Variants in MUC17 observed in about 807,000 individuals in gnomAD.
The protein encoded by MUC17 is mucin 17, cell surface associated.
Under a neutral mutation model 170.3 loss-of-function variants are expected in MUC17, and 190 were observed. The ratio of observed to expected loss-of-function variants is 1.12; its 90% CI spans 0.99 to 1.26. The LOEUF is 1.26. Among genes scored for constraint, MUC17 ranks in the 50% most tolerant of loss-of-function variants. The probability of loss-of-function intolerance (pLI) is 0.00; values close to 1 mark genes in which losing one functional copy is unlikely to be tolerated. For missense variants in MUC17, 6,415 were observed against 5,530.0 expected (o/e 1.16, Z -5.08); for synonymous variants, 2,325 against 2,002.5 (o/e 1.16, Z -4.30).
chr7:101,045,418 A>G (rs1395601452), intron 3 of MUC17, among the ~76,000 whole-genome samples: 1 of 140,660 alleles, frequency 7.1e-6, no homozygotes, highest in Non-Finnish European at 1.5e-5. Flanking sequence ...TTTTTGATGG[A>G]GTTTCACTCT....
In MUC17 at chr7:101,035,103, G is replaced by T. The variant is rs774659126; in HGVS notation, c.3687G>T (p.Thr1229=). 10 of 1,611,544 alleles carry T rather than the reference G, an allele frequency of 6.2e-6. No individual in the cohort carries two copies. Among genetic ancestry groups the T allele is most frequent in the East Asian group, 2.2e-5 (1 of 44,576 alleles). ...TPLTSMPVRH[T]PVASSEASTL... is the part of the protein sequence containing the mutation. ...TAACAAGTATGCCTGTCAGACACAC[G>T]CCAGTGGCCAGTTCTGAGGCTAGCA... Residue 1229 remains threonine (T), a synonymous_variant, in exon 3 of 13, where the codon ACG becomes ACT. Transcript: ENST00000306151.
At position 101,040,307 on chromosome 7, in the gene MUC17, A is replaced by C. The variant is rs1794652238; in HGVS notation, c.8891A>C (p.Glu2964Ala). The C allele has an allele frequency of 1.2e-6, 2 of 1,611,942 alleles. No individual in the cohort carries two copies. Among genetic ancestry groups the C allele is most frequent in the South Asian group, 1.1e-5 (1 of 90,870 alleles). Residue 2964 changes from glutamate (E) to alanine (A), a missense_variant, in exon 3 of 13, where the codon GAA becomes GCA. Physicochemically the swap from Glu to Ala is moderately radical, Grantham distance 107. Transcript: ENST00000306151. ...DTRTPVTTSA[E>A]ASSSPTTAEG... ...AGGACACCTGTCACCACTTCTGCTG[A>C]AGCTAGTTCTTCTCCTACAACTGCT...
In MUC17 at chr7:101,038,962, C is replaced by A. The variant is rs1276284964; in HGVS notation, c.7546C>A (p.Leu2516Ile). 6.2e-7 allele frequency: 1 copy of A among 1,613,964 alleles called. No homozygotes were observed. The highest frequency in any genetic ancestry group is 1.7e-5 in the Admixed American group (1 of 60,000). ...PISTASEGSTLLTSIPVSTTP... is the reference protein window; with the variant it reads ...PISTASEGSTILTSIPVSTTP... ...CTCAACTGCTAGTGAAGGAAGTACT[C>A]TATTAACAAGTATACCTGTCAGCAC... Residue 2516 changes from leucine to isoleucine, a missense_variant, in exon 3 of 13, where the codon CTA (leucine) becomes ATA (isoleucine). Physicochemically the swap from Leu to Ile is conservative, Grantham distance 5. Transcript: ENST00000306151.
chr7:101,054,057 CAAAAAAAAAAAAAAAAAAAAAAAA>C (rs58623975), intron 11 of MUC17, among the ~76,000 whole-genome samples: 1 of 40,354 alleles, frequency 2.5e-5, no homozygotes, highest in Non-Finnish European at 4.3e-5. Flanking sequence ...AAGACCCTGT[CAAAAAAAAAAAAAAAAAAAAAAAA>C]AAAAAAAAAA....
chr7:101,038,706 T>C lies in MUC17; in HGVS notation c.7290T>C (p.Thr2430=), dbSNP rs779376790. The change falls in exon 3 of 13, where the codon ACT becomes ACC. Residue 2430 remains threonine, a synonymous_variant. Coordinates refer to ENST00000306151, the MANE Select transcript of MUC17 (RefSeq NM_001040105.2). ...TTGACACCAGCACACCTGTCACCAC[T>C]TCTACTGAAGCCAGTTCATCTCCTA... The part of the protein sequence containing the change: ...TPVDTSTPVT[T]STEASSSPTT... 2 of 1,613,630 alleles carry C rather than the reference T, an allele frequency of 1.2e-6. No homozygotes were observed. Among genetic ancestry groups the C allele is most frequent in the South Asian group, 1.1e-5 (1 of 91,056 alleles).
rs529008180 is a variant in MUC17 at position 101,057,781 on chromosome 7, G to C, written c.13441-222G>C. ...TGTAGTCCTAGCTACTTGGGAGGCTGAGGTGGGAGGATTGCTTGAGGCCAG... is the reference window on the plus strand; with the variant it reads ...TGTAGTCCTAGCTACTTGGGAGGCTCAGGTGGGAGGATTGCTTGAGGCCAG... On this transcript the variant is annotated intron_variant, in intron 12 of 12. Transcript: ENST00000306151. Among the ~76,000 whole-genome samples, 5 of 152,314 alleles carry C rather than the reference G, an allele frequency of 3.3e-5. No individual in the cohort carries two copies. In the East Asian group the frequency reaches 9.6e-4, roughly 29 times the overall value.
rs780864436 is a variant in MUC17, at chr7:101,043,596, C to T, written c.12180C>T (p.His4060=). ...GCAGGCCGTCAACAATTACTTCTCA[C>T]ACCATCCCACCTACATTTCCTCCTG... ...ESSRPSTITS[H]TIPPTFPPAH... Residue 4060 remains histidine (H), a synonymous_variant, in exon 3 of 13, where the codon CAC becomes CAT. Transcript: ENST00000306151. 6.2e-7 allele frequency: 1 copy of T among 1,614,180 alleles called. No individual in the cohort carries two copies. Among genetic ancestry groups the T allele is most frequent in the Non-Finnish European group, 8.5e-7 (1 of 1,180,018 alleles).
chr7:101,048,851 C>G lies in MUC17; in HGVS notation c.12542C>G (p.Pro4181Arg). 1 of 1,614,032 alleles carries G rather than the reference C, an allele frequency of 6.2e-7. No homozygotes were observed. Among genetic ancestry groups the G allele is most frequent in the Non-Finnish European group, 8.5e-7 (1 of 1,179,962 alleles). The part of the protein sequence containing the change: ...EVVSSIDIGP[P>R]ETISAQMELT... ...GTAAGTCTACCCGCCTCAGGGCCAC[C>G]GGAGACTATCTCTGCCCAAATGGAA... The change falls in exon 5 of 13, where the codon CCG becomes CGG. Residue 4181 changes from proline (P) to arginine (R), a missense_variant. By Grantham distance (103) the Pro-to-Arg change is moderately radical (BLOSUM62 -2). Coordinates refer to ENST00000306151, the MANE Select transcript of MUC17 (RefSeq NM_001040105.2).
chr7:101,033,291 T>C lies in MUC17; in HGVS notation c.1875T>C (p.Ser625=). The change falls in exon 3 of 13, where the codon AGT becomes AGC. Residue 625 remains serine (S), a synonymous_variant. Coordinates refer to ENST00000306151, the MANE Select transcript of MUC17 (RefSeq NM_001040105.2). ...CCAGCATGCCAACCTCAACTTACAG[T>C]GAAAGAGGCACTACAATAACAAGTA... is the stretch of plus-strand genomic sequence containing the variant. ...EGTSMPTSTY[S]ERGTTITSMS... is the part of the protein sequence containing the mutation. 6.2e-7 allele frequency: 1 copy of C among 1,613,698 alleles called. No homozygotes were observed. The highest frequency in any genetic ancestry group is 1.1e-5 in the South Asian group (1 of 91,052).
Position 101,031,192 on chromosome 7 carries a change from G to T in MUC17, c.155G>T (p.Cys52Phe). The T allele has an allele frequency of 3.1e-6, 5 of 1,613,776 alleles. No individual in the cohort carries two copies. Among genetic ancestry groups the T allele is most frequent in the Non-Finnish European group, 3.4e-6 (4 of 1,179,870 alleles). Residue 52 changes from cysteine (C) to phenylalanine (F), a missense_variant, in exon 2 of 13, where the codon TGC becomes TTC. Cys to Phe is a radical substitution (Grantham distance 205, BLOSUM62 -2). Coordinates refer to ENST00000306151, the MANE Select transcript of MUC17 (RefSeq NM_001040105.2). Reference sequence around the variant, plus strand: ...CAAGGGGACGTCTTGAACCGTCAGTGCCAGCAGCTGTCTCAGCACGTTAGG... The same window carrying T: ...CAAGGGGACGTCTTGAACCGTCAGTTCCAGCAGCTGTCTCAGCACGTTAGG... The part of the protein sequence containing the change: ...ISQGDVLNRQ[C>F]QQLSQHVRTG...
rs2116454433 is a variant in MUC17 at position 101,041,731 on chromosome 7, T to C, written c.10315T>C (p.Ser3439Pro). ...LVTTSTEASSSPTIAEGTSLP... is the reference protein window; with the variant it reads ...LVTTSTEASSPPTIAEGTSLP... Reference sequence around the variant, plus strand: ...GACCACTTCTACTGAAGCCAGTTCATCTCCTACAATCGCTGAAGGTACCAG... The same window carrying C: ...GACCACTTCTACTGAAGCCAGTTCACCTCCTACAATCGCTGAAGGTACCAG... The change falls in exon 3 of 13, where the codon TCT (serine) becomes CCT (proline). Residue 3439 changes from serine to proline, a missense_variant. Physicochemically the swap from Ser to Pro is moderately conservative, Grantham distance 74. Coordinates refer to ENST00000306151, the MANE Select transcript of MUC17 (RefSeq NM_001040105.2). The C allele has an allele frequency of 6.2e-7, 1 of 1,613,486 alleles. No homozygotes were observed.
intron 9 of MUC17, 98 bp downstream of exon 9, chr7:101,052,060 A>G (rs918072954): frequency 1.4e-6 from 2 of 1,413,172 alleles, no homozygotes; most frequent in South Asian, 1.3e-5. Context: ...GACCAAGGTC[A>G]TGGGACTAGG....
chr7:101,041,708 C>G lies in MUC17; in HGVS notation c.10292C>G (p.Thr3431Ser), dbSNP rs190089107. The G allele has an allele frequency of 4.5e-5, 72 of 1,613,752 alleles. No individual in the cohort carries two copies. The highest frequency in any genetic ancestry group is 5.3e-5 in the Non-Finnish European group (63 of 1,179,976). Residue 3431 changes from threonine (T) to serine (S), a missense_variant, in exon 3 of 13, where the codon ACC (threonine) becomes AGC (serine). By Grantham distance (58) the Thr-to-Ser change is moderately conservative. Coordinates refer to ENST00000306151, the MANE Select transcript of MUC17 (RefSeq NM_001040105.2). ...CCTGTGGACTCCAACACTCTGGTGA[C>G]CACTTCTACTGAAGCCAGTTCATCT... is the stretch of plus-strand genomic sequence containing the variant. ...TTPVDSNTLV[T>S]TSTEASSSPT... is the part of the protein sequence containing the mutation.
intron 1 of MUC17, among the ~76,000 whole-genome samples, chr7:101,026,477 T>C (rs1294242997): frequency 6.6e-6 from 1 of 152,216 alleles, no homozygotes; most frequent in Non-Finnish European, 1.5e-5. Flanking sequence ...ATGCAGCTCA[T>C]AGTGCTGAGA....
intron 1 of MUC17, among the ~76,000 whole-genome samples, chr7:101,029,367 A>G (rs1278150041): frequency 1.3e-5 from 2 of 151,944 alleles, no homozygotes; most frequent in Non-Finnish European, 2.9e-5. Context: ...AAATACATAC[A>G]TACATACATG....
rs777204968 is a variant in MUC17, at chr7:101,032,120, C to T, written c.704C>T (p.Thr235Ile). 4 of 1,613,440 alleles carry T rather than the reference C, an allele frequency of 2.5e-6. No homozygotes were observed. Among genetic ancestry groups the T allele is most frequent in the Non-Finnish European group, 2.5e-6 (3 of 1,179,912 alleles). Residue 235 changes from threonine (T) to isoleucine (I), a missense_variant, in exon 3 of 13, where the codon ACC becomes ATC. Coordinates refer to ENST00000306151, the MANE Select transcript of MUC17 (RefSeq NM_001040105.2). ...TMKVASSEAI[T>I]LLTTPVEIST... ...AAGGTGGCCAGTTCAGAGGCTATCA[C>T]CCTTTTGACAACTCCTGTTGAAATC...
In MUC17 at chr7:101,048,004, A is replaced by C; in HGVS notation, c.12424A>C (p.Asn4142His). The C allele has an allele frequency of 6.2e-7, 1 of 1,603,108 alleles. No homozygotes were observed. The highest frequency in any genetic ancestry group is 8.5e-7 in the Non-Finnish European group (1 of 1,175,752). ...TTTCFGDGCQ[N>H]TASRCKNGGT... The stretch of plus-strand genomic sequence containing the variant: ...CACAGGCTTTGGAGATGGGTGCCAG[A>C]ATACGGCCTCTCGCTGCAAGAATGG... Residue 4142 changes from asparagine (N) to histidine (H), a missense_variant, in exon 4 of 13, where the codon AAT becomes CAT. By Grantham distance (68) the Asn-to-His change is moderately conservative. Coordinates refer to ENST00000306151, the MANE Select transcript of MUC17 (RefSeq NM_001040105.2).
chr7:101,049,949 A>G (rs1794907569), intron 6 of MUC17, among the ~76,000 whole-genome samples: 1 of 152,118 alleles, frequency 6.6e-6, no homozygotes. Flanking sequence ...TGAGCAACAT[A>G]GCAAGACCTT....
Position 101,042,379 on chromosome 7 carries a change from G to A in MUC17, c.10963G>A (p.Ala3655Thr), listed in dbSNP as rs1229416983. 15 of 1,613,218 alleles carry A rather than the reference G, an allele frequency of 9.3e-6. No homozygotes were observed. The East Asian group carries it at 2.9e-4, about 31-fold the overall frequency. The change falls in exon 3 of 13, where the codon GCT (alanine) becomes ACT (threonine). Residue 3655 changes from alanine to threonine, a missense_variant. Ala to Thr is a moderately conservative substitution (Grantham distance 58, BLOSUM62 0). Coordinates refer to ENST00000306151, the MANE Select transcript of MUC17 (RefSeq NM_001040105.2). ...GGTGACCATTTCTGAGGCTGGCACAGCTTCAACACTTCCTGTTGACACCAG... is the reference window on the plus strand; with the variant it reads ...GGTGACCATTTCTGAGGCTGGCACAACTTCAACACTTCCTGTTGACACCAG... ...TSVTISEAGTASTLPVDTSTP... is the reference protein window; with the variant it reads ...TSVTISEAGTTSTLPVDTSTP...
Sources: gnomAD v4.1 joint callset for allele counts (sites outside exome capture counted in the v4.1 genomes callset) on GRCh38, gnomAD v4.1.1 for gene constraint, MANE v1.5 for transcripts, NCBI Gene and HGNC (gene_info 2026-07-23, HGNC 2026-07-21) for gene names.